SMPD4: variants seen among roughly 807,000 people sequenced by gnomAD.
The protein encoded by SMPD4 is neutral sphingomyelinase 3.
A neutral mutation model predicts 97.8 loss-of-function variants in SMPD4; 58 were observed. The ratio of observed to expected loss-of-function variants is 0.59; its 90% CI spans 0.48 to 0.74. SMPD4 has a LOEUF of 0.74. Among genes scored for constraint, SMPD4 ranks in the 30% least tolerant of loss-of-function variants. The pLI, the probability that SMPD4 is intolerant of heterozygous loss-of-function variation, is 0.00. For missense variants in SMPD4, 853 were observed against 1,080.5 expected (o/e 0.79, Z 2.95); for synonymous variants, 388 against 450.0 (o/e 0.86, Z 1.74).
intron 2 of SMPD4, 42 bp from the exon 3 acceptor site, chr2:130,175,042 C>T: frequency 6.9e-7 from 1 of 1,439,038 alleles, no homozygotes; most frequent in Non-Finnish European, 9.8e-7. Flanking sequence ...AGGACATTCA[C>T]TCTGCAGCTT....
intron 11 of SMPD4, among the ~76,000 whole-genome samples, chr2:130,160,678 C>T (rs1687306673): frequency 8.0e-6 from 1 of 125,750 alleles, no homozygotes; most frequent in Admixed American, 8.5e-5. Context: ...CCAGGTCCTT[C>T]CCACCCCCTG....
intron 9 of SMPD4, among the ~76,000 whole-genome samples, chr2:130,164,681 C>T (rs1379101093): frequency 3.3e-5 from 5 of 152,214 alleles, no homozygotes; most frequent in South Asian, 4.1e-4. Flanking sequence ...GAGAAAACTT[C>T]ATAACACTAG....
chr2:130,154,656 G>A, intron 15 of SMPD4, 174 bp from the exon 16 acceptor site: 2 of 778,736 alleles, frequency 2.6e-6, no homozygotes, highest in South Asian at 1.5e-5. Flanking sequence ...CATGGGGAGG[G>A]CGGATGGGGG....
In SMPD4 at chr2:130,158,827, G is replaced by A. The variant is rs193017961; in HGVS notation, c.952-1431C>T. Among the ~76,000 whole-genome samples, 758 of 152,222 alleles carry A rather than the reference G, an allele frequency of 5.0e-3. 4 individuals are homozygous for A. Among genetic ancestry groups the A allele is most frequent in the African/African-American group, 0.017 (688 of 41,530 alleles). On this transcript the variant is annotated intron_variant, in intron 11 of 19. Transcript: ENST00000680298. ...GCCGTAACACATCTGTGCTGCTGAGGCTGGTGCAGGGCCCAGCCTCCAGGT... is the reference window on the plus strand; with the variant it reads ...GCCGTAACACATCTGTGCTGCTGAGACTGGTGCAGGGCCCAGCCTCCAGGT...
intron 19 of SMPD4, 28 bp downstream of exon 19, chr2:130,153,015 C>A: frequency 6.2e-7 from 1 of 1,600,268 alleles, no homozygotes; most frequent in Non-Finnish European, 8.5e-7. Flanking sequence ...TCTCTGAAGA[C>A]GCCAGGCCAG....
chr2:130,170,031 T>A (rs1485264247), intron 8 of SMPD4, among the ~76,000 whole-genome samples: 1 of 140,552 alleles, frequency 7.1e-6, no homozygotes, highest in Non-Finnish European at 1.5e-5. Context: ...CATCCCCATA[T>A]CTCCGCAAAA....
At chr2:130,166,855 C>A (rs1010401315) in intron 9 of SMPD4, among the ~76,000 whole-genome samples, 6 of 152,240 alleles carry the variant, frequency 3.9e-5, no homozygotes, top group African/African-American at 1.4e-4. Context: ...CTGCACAGAC[C>A]CCTCACCATT....
At chr2:130,168,929 T>C (rs948690335) in intron 8 of SMPD4, among the ~76,000 whole-genome samples, 5 of 152,006 alleles carry the variant, frequency 3.3e-5, no homozygotes, top group African/African-American at 1.2e-4. Context: ...CTATGTTGCC[T>C]GAGCTGGTCT....
chr2:130,159,234 A>G (rs1317942047), intron 11 of SMPD4, among the ~76,000 whole-genome samples: 4 of 152,034 alleles, frequency 2.6e-5, no homozygotes, highest in Non-Finnish European at 5.9e-5. Flanking sequence ...AGCTCAGGCA[A>G]TCCGCCTGCC....
intron 8 of SMPD4, among the ~76,000 whole-genome samples, chr2:130,170,978 T>C (rs1251147071): frequency 6.6e-6 from 1 of 151,722 alleles, no homozygotes; most frequent in Admixed American, 6.6e-5. Flanking sequence ...GGAGAATCAC[T>C]TGAACCCAGG....
At chr2:130,181,245 T>C in intron 1 of SMPD4, 1 of 1,314,924 alleles carries the variant, frequency 7.6e-7, no homozygotes, top group Non-Finnish European at 9.7e-7. Flanking sequence ...AACACAAAGC[T>C]CTCCTTCCCT....
intron 8 of SMPD4, among the ~76,000 whole-genome samples, chr2:130,171,710 G>C (rs754904182): frequency 5.3e-5 from 8 of 152,352 alleles, no homozygotes; most frequent in Non-Finnish European, 1.0e-4. Flanking sequence ...GGGTGGGCCA[G>C]CATCTGCAGG....
chr2:130,165,074 C>T lies in SMPD4; in HGVS notation c.793-629G>A, dbSNP rs140594396. 3.9e-3 allele frequency among the ~76,000 whole-genome samples: 545 copies of T among 139,736 alleles called. 3 individuals carry two copies. The highest frequency in any genetic ancestry group is 0.014 in the African/African-American group (498 of 36,324). 91.7% of individuals were successfully genotyped at this position (139,736 alleles called of 152,430 possible). On this transcript the variant is annotated intron_variant, in intron 9 of 19. Transcript: ENST00000680298. ...GCAGTGAGCCAAGACTGCACCACTG[C>T]ACTCTAGCCTGGCAACAAAGACAGA...
At position 130,172,833 on chromosome 2, in the gene SMPD4, CTTG is replaced by C; in HGVS notation, c.405_407del (p.Asn135del). ...GGCCCCCAGTAGGGGTGAACTGGAC[CTTG>C]TTGTGGTACAGAGGACTGTCAGGGA... is the stretch of plus-strand genomic sequence containing the variant. On this transcript the variant is annotated inframe_deletion, in exon 6 of 20. Transcript: ENST00000680298. 6.2e-7 allele frequency: 1 copy of C among 1,614,090 alleles called. No individual in the cohort carries two copies. The highest frequency in any genetic ancestry group is 1.3e-5 in the African/African-American group (1 of 75,028).
At chr2:130,153,649 T>A in intron 17 of SMPD4, 53 bp downstream of exon 17, 1 of 1,584,438 alleles carries the variant, frequency 6.3e-7, no homozygotes, top group East Asian at 2.3e-5. Context: ...GTGGAGTGGA[T>A]CCTTCAGGGA....
At chr2:130,170,513 C>T (rs1487821259) in intron 8 of SMPD4, among the ~76,000 whole-genome samples, 3 of 146,370 alleles carry the variant, frequency 2.0e-5, no homozygotes, top group African/African-American at 5.0e-5. Flanking sequence ...TGCCTGTAAT[C>T]TCTGAACTTT....
chr2:130,181,172 C>T (rs1689569759), intron 1 of SMPD4: 2 of 821,266 alleles, frequency 2.4e-6, no homozygotes, highest in African/African-American at 1.8e-5. Context: ...GGGGAAGGGT[C>T]GAGCTGGGAC....
At chr2:130,166,001 T>G (rs1687891006) in intron 9 of SMPD4, among the ~76,000 whole-genome samples, 1 of 152,044 alleles carries the variant, frequency 6.6e-6, no homozygotes, top group South Asian at 2.1e-4. Flanking sequence ...TATATATATC[T>G]TATAATTAAA....
chr2:130,174,902 G>C lies in SMPD4; in HGVS notation c.126+12C>G. 2.5e-6 allele frequency: 4 copies of C among 1,570,734 alleles called. No homozygotes were observed. Among genetic ancestry groups the C allele is most frequent in the Non-Finnish European group, 3.5e-6 (4 of 1,142,120 alleles). On this transcript the variant is annotated intron_variant, in intron 3 of 19. Transcript: ENST00000680298. ...AGACATGCTCCAAAGAGAGACGTTAGCAGAGCTATACCTTTGCTGGAAAGT... is the reference window on the plus strand; with the variant it reads ...AGACATGCTCCAAAGAGAGACGTTACCAGAGCTATACCTTTGCTGGAAAGT...
Sources: gnomAD v4.1 joint callset for allele counts (sites outside exome capture counted in the v4.1 genomes callset) on GRCh38, gnomAD v4.1.1 for gene constraint, MANE v1.5 for transcripts, NCBI Gene and HGNC (gene_info 2026-07-23, HGNC 2026-07-21) for gene names.